Variants in PI4KB observed in about 807,000 individuals in gnomAD.
PI4KB encodes phosphatidylinositol 4-kinase beta, also known as PtdIns 4-kinase beta.
PI4KB carries 23 observed loss-of-function variants against 81.4 expected under a neutral mutation model. The observed-to-expected ratio is 0.28, with a 90% CI of 0.20 to 0.40. The LOEUF is 0.40. Among genes scored for constraint, PI4KB ranks in the 10% least tolerant of loss-of-function variants. The probability of loss-of-function intolerance (pLI) is 1.00; values close to 1 mark genes in which losing one functional copy is unlikely to be tolerated. For missense variants in PI4KB, 651 were observed against 1,036.6 expected, an observed-to-expected ratio of 0.63 and a Z score of 5.11; for synonymous variants, 381 against 406.8, an observed-to-expected ratio of 0.94 and a Z score of 0.76.
At chr1:151,325,442 C>G (rs1649474792) in intron 1 of PI4KB, among the ~76,000 whole-genome samples, 1 of 152,212 alleles carries the variant, frequency 6.6e-6, no homozygotes, top group Non-Finnish European at 1.5e-5. Flanking sequence ...TTCGCTATCA[C>G]AGGCTGAGAG....
chr1:151,323,458 G>C (rs146257097), intron 1 of PI4KB, among the ~76,000 whole-genome samples: 88 of 142,874 alleles, frequency 6.2e-4, no homozygotes, highest in Middle Eastern at 8.9e-3. Flanking sequence ...CGTGAGCTGA[G>C]ATCGCTGTAA....
Position 151,301,849 on chromosome 1 carries a change from G to A in PI4KB, c.1744C>T (p.Leu582=). 1.2e-6 allele frequency: 2 copies of A among 1,613,906 alleles called. No homozygotes were observed. Among genetic ancestry groups the A allele is most frequent in the Non-Finnish European group, 1.7e-6 (2 of 1,179,932 alleles). Residue 582 remains leucine, a synonymous_variant, in exon 8 of 12, where the codon CTG becomes TTG. Transcript: ENST00000368873. ...CTCTCCTTCTCTTCTCTTACCTGCA[G>A]TTGCTTCAACACCTGAAAGGCCAGA... ...ELLAFQVLKQ[L]QSIWEQERVP...
intron 2 of PI4KB, among the ~76,000 whole-genome samples, chr1:151,313,053 CGGAAGGAA>C (rs113590962): frequency 1.6e-3 from 235 of 150,248 alleles, no homozygotes; most frequent in African/African-American, 4.0e-3. Context: ...GACGGGTGGG[CGGAAGGAA>C]GGAAGGAAGG....
At chr1:151,326,568 T>C (rs1209115224) in intron 1 of PI4KB, among the ~76,000 whole-genome samples, 2 of 151,826 alleles carry the variant, frequency 1.3e-5, no homozygotes, top group East Asian at 3.9e-4. Context: ...AGTTGGGGGA[T>C]TGAGGAGGGA....
In PI4KB at chr1:151,292,190, T is replaced by TCC. The variant is rs1378221655; in HGVS notation, c.*660_*661dup. 6.6e-6 allele frequency: 1 copy of TCC among 152,306 alleles called. No individual in the cohort carries two copies. Among genetic ancestry groups the TCC allele is most frequent in the Non-Finnish European group, 1.5e-5 (1 of 68,068 alleles). 9.4% of individuals were successfully genotyped at this position (152,306 alleles called of 1,614,324 possible). ...AAAAATAAAAAATTGAGAGCTCTTT[T>TCC]CCCTGGGTTTGGGGAAGGAGTCAGG... On this transcript the variant is annotated 3_prime_UTR_variant, in exon 12 of 12. Coordinates refer to ENST00000368873, the MANE Select transcript of PI4KB (RefSeq NM_001369623.2).
intron 1 of PI4KB, 61 bp downstream of exon 1, chr1:151,327,210 A>AGGG: frequency 1.5e-5 from 2 of 135,754 alleles, no homozygotes; most frequent in East Asian, 1.8e-4. Context: ...ACAGGGTGGG[A>AGGG]GAGGGACCCC....
intron 7 of PI4KB, 77 bp from the exon 8 acceptor site, chr1:151,302,044 C>A: frequency 6.3e-7 from 1 of 1,599,520 alleles, no homozygotes; most frequent in East Asian, 2.2e-5. Context: ...ACAAAAAATC[C>A]CAAGCAAACG....
intron 6 of PI4KB, among the ~76,000 whole-genome samples, chr1:151,302,663 C>T (rs1261036477): frequency 2.0e-5 from 3 of 150,902 alleles, no homozygotes; most frequent in Non-Finnish European, 3.0e-5. Flanking sequence ...CTGCAAGCTC[C>T]GCCTCCTGGG....
At chr1:151,321,854 CAG>C (rs1648887642) in intron 1 of PI4KB, among the ~76,000 whole-genome samples, 2 of 124,234 alleles carry the variant, frequency 1.6e-5, no homozygotes, top group African/African-American at 3.1e-5. Flanking sequence ...GCCTGGGCGA[CAG>C]AGTGAGACTC....
intron 4 of PI4KB, among the ~76,000 whole-genome samples, chr1:151,306,652 G>C (rs746825287): frequency 8.5e-5 from 13 of 152,242 alleles, no homozygotes; most frequent in Non-Finnish European, 1.8e-4. Flanking sequence ...ATTACAGGCT[G>C]TAAGGGAGGC....
At chr1:151,309,467 A>G (rs1696032963) in intron 3 of PI4KB, among the ~76,000 whole-genome samples, 1 of 152,176 alleles carries the variant, frequency 6.6e-6, no homozygotes, top group African/African-American at 2.4e-5. Context: ...TTTGATAGAC[A>G]AATCAAATAG....
At position 151,327,364 on chromosome 1, in the gene PI4KB, G is replaced by A; in HGVS notation, c.-122C>T. On this transcript the variant is annotated 5_prime_UTR_variant, in exon 1 of 12. Transcript: ENST00000368873. ...GCAGCGACCGCTCCCGGGTTCCATTGGCCGCCTGCGCTTCCCTGACAGCGG... is the reference window on the plus strand; with the variant it reads ...GCAGCGACCGCTCCCGGGTTCCATTAGCCGCCTGCGCTTCCCTGACAGCGG... 1 of 396,762 alleles carries A rather than the reference G, an allele frequency of 2.5e-6. No homozygotes were observed. The highest frequency in any genetic ancestry group is 4.4e-6 in the Non-Finnish European group (1 of 225,668). 24.6% of individuals were successfully genotyped at this position (396,762 alleles called of 1,614,324 possible). A position where few individuals can be genotyped will look rare whatever the true frequency, so the allele number is the denominator to read the frequency against.
At chr1:151,296,393 A>G (rs1367852419) in intron 9 of PI4KB, among the ~76,000 whole-genome samples, 1 of 152,204 alleles carries the variant, frequency 6.6e-6, no homozygotes, top group African/African-American at 2.4e-5. Context: ...CCTCATGAGG[A>G]AACACGTGTC....
Position 151,315,596 on chromosome 1 carries a change from G to T in PI4KB, c.886C>A (p.Pro296Thr). The T allele has an allele frequency of 6.2e-7, 1 of 1,613,762 alleles. No individual in the cohort carries two copies. The highest frequency in any genetic ancestry group is 2.2e-5 in the East Asian group (1 of 44,862). ...ACCTCATCCTCATTCTCCACTTTAGGGTTGCTGGCTGTTCGTTTCAGGTTG... is the reference window on the plus strand; with the variant it reads ...ACCTCATCCTCATTCTCCACTTTAGTGTTGCTGGCTGTTCGTTTCAGGTTG... Reference protein sequence around the residue: ...SSNLKRTASNPKVENEDEELS... With the variant: ...SSNLKRTASNTKVENEDEELS... The change falls in exon 2 of 12, where the codon CCT becomes ACT. Residue 296 changes from proline to threonine, a missense_variant. Transcript: ENST00000368873.
chr1:151,296,569 CA>C (rs1443118173), intron 9 of PI4KB, among the ~76,000 whole-genome samples: 2 of 150,970 alleles, frequency 1.3e-5, no homozygotes, highest in African/African-American at 4.9e-5. Context: ...CTCCTGGGTT[CA>C]AGTGATTCTC....
intron 9 of PI4KB, 197 bp downstream of exon 9, chr1:151,298,611 T>C: frequency 3.0e-6 from 2 of 656,554 alleles, no homozygotes; most frequent in South Asian, 1.9e-5. Flanking sequence ...CTTCATTTCT[T>C]TGCCCTTTTA....
At chr1:151,299,259 G>T (rs890072628) in intron 8 of PI4KB, among the ~76,000 whole-genome samples, 186 bp from the exon 9 acceptor site, 1 of 151,836 alleles carries the variant, frequency 6.6e-6, no homozygotes, top group Non-Finnish European at 1.5e-5. Flanking sequence ...GCCTGACAAA[G>T]TCAGAAACTA....
At chr1:151,297,046 G>A (rs1030453890) in intron 9 of PI4KB, among the ~76,000 whole-genome samples, 1 of 152,122 alleles carries the variant, frequency 6.6e-6, no homozygotes, top group African/African-American at 2.4e-5. Context: ...CAAAGTGTTG[G>A]GATTACAGGC....
intron 8 of PI4KB, among the ~76,000 whole-genome samples, chr1:151,301,254 C>T (rs144711771): frequency 2.0e-3 from 306 of 152,180 alleles, no homozygotes; most frequent in African/African-American, 7.2e-3. Flanking sequence ...CTTGCTCTGT[C>T]GCCCAGGCTA....
Sources: gnomAD v4.1 joint callset for allele counts (sites outside exome capture counted in the v4.1 genomes callset) on GRCh38, gnomAD v4.1.1 for gene constraint, MANE v1.5 for transcripts, NCBI Gene and HGNC (gene_info 2026-07-23, HGNC 2026-07-21) for gene names.